The following ARHGAP22 variants were observed in gnomAD, a reference collection of about 807,000 sequenced individuals.
ARHGAP22 encodes the protein rho GTPase-activating protein 22.
Under a neutral mutation model 59.1 loss-of-function variants are expected in ARHGAP22, and 48 were observed. The ratio of observed to expected loss-of-function variants is 0.81; its 90% CI spans 0.64 to 1.03. ARHGAP22 has a LOEUF of 1.03. Ranked by LOEUF, ARHGAP22 falls within the 50% of genes least tolerant of loss-of-function variation. ARHGAP22 has a pLI of 0.00. For missense variants in ARHGAP22, 1,015 were observed against 958.7 expected, an observed-to-expected ratio of 1.06 and a Z score of -0.78; for synonymous variants, 445 against 416.4, an observed-to-expected ratio of 1.07 and a Z score of -0.84.
intron 3 of ARHGAP22, among the ~76,000 whole-genome samples, chr10:48,535,062 A>G (rs973204404): frequency 2.0e-5 from 3 of 152,118 alleles, no homozygotes; most frequent in African/African-American, 7.2e-5. Context: ...TGCTCCTTGC[A>G]CTGTTGCTGC....
chr10:48,442,498 C>T (rs1349419269), downstream of ARHGAP22, among the ~76,000 whole-genome samples: 2 of 152,210 alleles, frequency 1.3e-5, no homozygotes, highest in Admixed American at 6.5e-5. Flanking sequence ...TTGTTTCCCT[C>T]GATTTGATGT....
intron 1 of ARHGAP22, among the ~76,000 whole-genome samples, chr10:48,618,406 A>G (rs2061164631): frequency 6.6e-6 from 1 of 152,108 alleles, no homozygotes; most frequent in Admixed American, 6.5e-5. Context: ...ACAAAACTAC[A>G]GGTCACTATC....
At chr10:48,559,446 T>C (rs1170418896) in intron 2 of ARHGAP22, among the ~76,000 whole-genome samples, 1 of 152,218 alleles carries the variant, frequency 6.6e-6, no homozygotes, top group Non-Finnish European at 1.5e-5. Flanking sequence ...TTGGTGTAAG[T>C]AGCTAATGGA....
chr10:48,499,705 T>C (rs370831615), intron 3 of ARHGAP22, among the ~76,000 whole-genome samples: 1 of 152,248 alleles, frequency 6.6e-6, no homozygotes, highest in African/African-American at 2.4e-5. Flanking sequence ...CTTGTTTATA[T>C]GTGTGGAAGT....
intron 3 of ARHGAP22, among the ~76,000 whole-genome samples, chr10:48,492,857 T>C (rs2050541489): frequency 6.6e-6 from 1 of 152,222 alleles, no homozygotes; most frequent in Admixed American, 6.5e-5. Flanking sequence ...AAAAATAAAT[T>C]ACTTTCAATG....
chr10:48,442,404 G>A (rs1400820989), downstream of ARHGAP22, among the ~76,000 whole-genome samples: 1 of 152,240 alleles, frequency 6.6e-6, no homozygotes, highest in Non-Finnish European at 1.5e-5. Context: ...GTCAAGTCAA[G>A]CATCTGTCTC....
chr10:48,455,132 G>C lies in ARHGAP22; in HGVS notation c.662C>G (p.Thr221Arg). Residue 221 changes from threonine to arginine, a missense_variant and splice_region_variant, in exon 6 of 10, where the codon ACA (threonine) becomes AGA (arginine). Coordinates refer to ENST00000249601, the MANE Select transcript of ARHGAP22 (RefSeq NM_021226.4). ...DCGEKPLFDSTTDVHTVASLL... is the reference protein window; with the variant it reads ...DCGEKPLFDSRTDVHTVASLL... ...GGAGGCCACCGTGTGCACGTCTGTT[G>C]TGCTGTGGGGGGGAAGAGGACAGGT... 1 of 1,607,596 alleles carries C rather than the reference G, an allele frequency of 6.2e-7. No homozygotes were observed. The highest frequency in any genetic ancestry group is 8.5e-7 in the Non-Finnish European group (1 of 1,176,566).
At chr10:48,626,129 T>C (rs967605097) in intron 1 of ARHGAP22, among the ~76,000 whole-genome samples, 82 of 152,350 alleles carry the variant, frequency 5.4e-4, no homozygotes, top group African/African-American at 1.9e-3. Flanking sequence ...AGCATACTAT[T>C]TGAAGCCTTG....
rs373342019 is a variant in ARHGAP22 at position 48,581,367 on chromosome 10, C to A, written c.234+1586G>T. Among the ~76,000 whole-genome samples, 8 of 152,354 alleles carry A rather than the reference C, an allele frequency of 5.3e-5. No homozygotes were observed. The East Asian group carries it at 9.6e-4, about 18-fold the overall frequency. ...GTCTCCCCAGTTTGCAAACTGTTCA[C>A]TGGAATAAAGTCTCTTTCCTCCATA... On this transcript the variant is annotated intron_variant, in intron 2 of 9. Coordinates refer to ENST00000249601, the MANE Select transcript of ARHGAP22 (RefSeq NM_021226.4).
intron 2 of ARHGAP22, 23 bp from the exon 3 acceptor site, chr10:48,555,573 C>T (rs1838570): frequency 0.15 from 248,727 of 1,607,662 alleles, 20,704 homozygotes; most frequent in Admixed American, 0.3. Context: ...CAAACACAAA[C>T]ACAGGGAGCA....
At chr10:48,555,767 T>C (rs1443240689) in intron 2 of ARHGAP22, among the ~76,000 whole-genome samples, 1 of 152,152 alleles carries the variant, frequency 6.6e-6, no homozygotes, top group African/African-American at 2.4e-5. Context: ...GTAGTCTGCA[T>C]ACATGATTGG....
At chr10:48,494,733 G>T (rs922445114) in intron 3 of ARHGAP22, among the ~76,000 whole-genome samples, 22 of 152,284 alleles carry the variant, frequency 1.4e-4, no homozygotes, top group African/African-American at 5.3e-4. Context: ...AGGGCCTACT[G>T]TTCTTGGAAT....
intron 3 of ARHGAP22, among the ~76,000 whole-genome samples, chr10:48,534,866 C>T (rs1204674861): frequency 5.9e-5 from 9 of 152,210 alleles, no homozygotes; most frequent in African/African-American, 1.9e-4. Flanking sequence ...ACAGATATCA[C>T]CTTAATGGTC....
At chr10:48,448,294 G>A (rs2045563628) in intron 9 of ARHGAP22, among the ~76,000 whole-genome samples, 2 of 152,144 alleles carry the variant, frequency 1.3e-5, no homozygotes, top group Non-Finnish European at 2.9e-5. Context: ...TCTACCCTGA[G>A]GCTCCTCTCC....
chr10:48,534,674 A>G (rs1218950485), intron 3 of ARHGAP22, among the ~76,000 whole-genome samples: 2 of 152,246 alleles, frequency 1.3e-5, no homozygotes, highest in African/African-American at 4.8e-5. Context: ...CAAGAACCCT[A>G]TCATAATCTC....
chr10:48,435,225 C>A, the ARHGAP22 span: 1 of 456,814 alleles, frequency 2.2e-6, no homozygotes, highest in African/African-American at 2.0e-5. Context: ...AAAACAGCAA[C>A]AAAACTGTAT....
At chr10:48,443,949 GT>G (rs958608150), downstream of ARHGAP22, 2 of 152,052 alleles carry the variant, frequency 1.3e-5, no homozygotes, top group African/African-American at 4.8e-5. Flanking sequence ...ACAACTCTTT[GT>G]TTTTTTAGTG....
At chr10:48,592,761 C>T (rs1245288333) in intron 1 of ARHGAP22, among the ~76,000 whole-genome samples, 1 of 152,214 alleles carries the variant, frequency 6.6e-6, no homozygotes, top group Non-Finnish European at 1.5e-5. Context: ...ACCCACTCCT[C>T]CCAGGGTTCC....
downstream of ARHGAP22, among the ~76,000 whole-genome samples, chr10:48,441,735 A>T (rs1349359593): frequency 6.6e-6 from 1 of 152,176 alleles, no homozygotes; most frequent in Non-Finnish European, 1.5e-5. Flanking sequence ...TACAGGCGTG[A>T]GCCACCGCGC....
Sources: allele counts gnomAD v4.1 joint callset (sites outside exome capture counted in the v4.1 genomes callset), GRCh38; gene constraint gnomAD v4.1.1; transcripts MANE v1.5; gene names NCBI Gene and HGNC (gene_info 2026-07-23, HGNC 2026-07-21).